Variants in MTHFD2 observed in about 807,000 individuals in gnomAD.
The protein encoded by MTHFD2 is methylenetetrahydrofolate dehydrogenase (NADP+ dependent) 2, methenyltetrahydrofolate cyclohydrolase.
In MTHFD2, 26 loss-of-function variants were observed where a neutral mutation model predicts 36.8. The ratio of observed to expected loss-of-function variants is 0.71; its 90% CI spans 0.52 to 0.98. MTHFD2 has a LOEUF of 0.98. MTHFD2 is among the 50% of genes least tolerant of loss of function. The pLI is 0.00. For synonymous variants in MTHFD2, 164 were observed against 155.2 expected (o/e 1.06, Z -0.42); for missense variants, 373 against 434.0 (o/e 0.86, Z 1.25).
intron 7 of MTHFD2, among the ~76,000 whole-genome samples, chr2:74,213,329 T>G (rs1383461347): frequency 7.4e-6 from 1 of 135,158 alleles, no homozygotes. Flanking sequence ...CAGGCTGGAG[T>G]ACAGTGGCAG....
Position 74,202,743 on chromosome 2 carries a change from G to A in MTHFD2, c.102-2962G>A, listed in dbSNP as rs559553445. ...GGGTTTCACCATATGAGCCAGGATG[G>A]TCTCAATCTCCTGACCTCATGATCT... On this transcript the variant is annotated intron_variant, in intron 1 of 7. Transcript: ENST00000394053. Among the ~76,000 whole-genome samples, 29 of 151,736 alleles carry A rather than the reference G, an allele frequency of 1.9e-4. No homozygotes were observed. The South Asian group carries it at 5.6e-3, about 29-fold the overall frequency.
At chr2:74,200,858 C>T (rs1694026235) in intron 1 of MTHFD2, among the ~76,000 whole-genome samples, 1 of 152,176 alleles carries the variant, frequency 6.6e-6, no homozygotes, top group South Asian at 2.1e-4. Flanking sequence ...TTGATAACAA[C>T]TCTTCCCTAA....
chr2:74,211,388 T>C, intron 6 of MTHFD2, 97 bp downstream of exon 6: 1 of 753,892 alleles, frequency 1.3e-6, no homozygotes, highest in African/African-American at 1.7e-5. Context: ...CTATTCATCA[T>C]TCCCCTTGTA....
chr2:74,206,859 C>T (rs574521008), intron 2 of MTHFD2, among the ~76,000 whole-genome samples: 19 of 152,166 alleles, frequency 1.2e-4, no homozygotes, highest in African/African-American at 4.3e-4. Context: ...TAGGCATGGG[C>T]CACCATGCCT....
At chr2:74,201,681 C>T (rs1184612074) in intron 1 of MTHFD2, among the ~76,000 whole-genome samples, 1 of 152,248 alleles carries the variant, frequency 6.6e-6, no homozygotes, top group Non-Finnish European at 1.5e-5. Context: ...GCATTTAATT[C>T]TGGGATAAAT....
At chr2:74,205,604 G>A (rs1389022517) in intron 1 of MTHFD2, 101 bp from the exon 2 acceptor site, 19 of 1,357,174 alleles carry the variant, frequency 1.4e-5, no homozygotes, top group African/African-American at 4.4e-5. Flanking sequence ...CCGGCCTCCC[G>A]AAGTGCTGGG....
chr2:74,205,849 C>T lies in MTHFD2; in HGVS notation c.246C>T (p.His82=), dbSNP rs767676770. 2.4e-5 allele frequency: 39 copies of T among 1,613,796 alleles called. 1 individual carries two copies. The change falls in exon 2 of 8, where the codon CAC becomes CAT. Residue 82 remains histidine (H), a synonymous_variant. Transcript: ENST00000394053. ...VILVGENPAS[H]SYVLNKTRAA... is the part of the protein sequence containing the mutation. Reference sequence around the variant, plus strand: ...TGGTTGGCGAGAATCCTGCAAGTCACTCCTATGTCCTCAACAAAACCAGGG... The same window carrying T: ...TGGTTGGCGAGAATCCTGCAAGTCATTCCTATGTCCTCAACAAAACCAGGG...
intron 1 of MTHFD2, among the ~76,000 whole-genome samples, chr2:74,205,354 G>A (rs187479021): frequency 9.8e-5 from 15 of 152,308 alleles, no homozygotes; most frequent in Admixed American, 5.9e-4. Flanking sequence ...TGATCAGGGC[G>A]CAGGGTGGTG....
intron 7 of MTHFD2, among the ~76,000 whole-genome samples, chr2:74,212,839 A>C (rs1283076014): frequency 6.6e-6 from 1 of 152,168 alleles, no homozygotes; most frequent in African/African-American, 2.4e-5. Context: ...CTAGAAAGTT[A>C]AAATGGTCCA....
chr2:74,213,743 A>G (rs545080076), intron 7 of MTHFD2, among the ~76,000 whole-genome samples: 17 of 152,290 alleles, frequency 1.1e-4, no homozygotes, highest in African/African-American at 4.1e-4. Flanking sequence ...TGGACAAATT[A>G]TACTTAAAAT....
intron 2 of MTHFD2, 163 bp downstream of exon 2, chr2:74,206,052 A>G (rs1694173114): frequency 1.5e-6 from 1 of 677,204 alleles, no homozygotes. Context: ...ATCAGACTAT[A>G]TCTTTCGGGG....
At position 74,214,269 on chromosome 2, in the gene MTHFD2, G is replaced by A. The variant is rs1694380878; in HGVS notation, c.*27G>A. The A allele has an allele frequency of 6.2e-7, 1 of 1,609,324 alleles. No homozygotes were observed. Among genetic ancestry groups the A allele is most frequent in the Admixed American group, 1.7e-5 (1 of 59,518 alleles). ...TACTGTGTCTTCTGTGTCACAAACA[G>A]CACTCCAGGCCAGCTCAAGAAGCAA... On this transcript the variant is annotated 3_prime_UTR_variant, in exon 8 of 8. Transcript: ENST00000394053.
At chr2:74,213,270 C>CTTTTTTTTTTTTTTTTTTT (rs10638050) in intron 7 of MTHFD2, among the ~76,000 whole-genome samples, 2 of 76,032 alleles carry the variant, frequency 2.6e-5, no homozygotes, top group African/African-American at 1.2e-4. Context: ...TTTTTCTTTC[C>CTTTTTTTTTTTTTTTTTTT]TTTTTTTTTT....
chr2:74,211,509 A>G (rs1378016211), intron 6 of MTHFD2: 1 of 474,846 alleles, frequency 2.1e-6, no homozygotes, highest in Non-Finnish European at 3.6e-6. Context: ...AAGCTTCAAA[A>G]TATTTATATT....
chr2:74,207,813 GT>G lies in MTHFD2; in HGVS notation c.398del (p.Leu133CysfsTer27). 6.3e-7 allele frequency: 1 copy of G among 1,577,768 alleles called. No individual in the cohort carries two copies. Among genetic ancestry groups the G allele is most frequent in the Non-Finnish European group, 8.7e-7 (1 of 1,152,668 alleles). On this transcript the variant is annotated frameshift_variant, in exon 3 of 8. Transcript: ENST00000394053. LOFTEE classifies it high-confidence loss of function. ...DDNVDGLLVQ[L>X]PLPEHIDERR... is the part of the protein sequence containing the mutation. ...ATAATGTAGATGGCCTCCTTGTTCA[GT>G]TGCCTCTTCCAGGTGAGTTTTGGAC...
rs1694470751 is a variant in MTHFD2, at chr2:74,217,198, ACT to A, written c.*2959_*2960del. The A allele has an allele frequency of 6.6e-6, 1 of 152,156 alleles. No homozygotes were observed. The highest frequency in any genetic ancestry group is 2.1e-4 in the South Asian group (1 of 4,830). 9.4% of individuals were successfully genotyped at this position (152,156 alleles called of 1,614,324 possible). Reference sequence around the variant, plus strand: ...TTTGTCATCTTGAGCAAATATAGTAACTCTAACCTCAAGGTTCAAGTGATTTA... The same window carrying A: ...TTTGTCATCTTGAGCAAATATAGTAACTAACCTCAAGGTTCAAGTGATTTA... On this transcript the variant is annotated 3_prime_UTR_variant, in exon 8 of 8. Coordinates refer to ENST00000394053, the MANE Select transcript of MTHFD2 (RefSeq NM_006636.4).
At chr2:74,201,258 G>C (rs1694036774) in intron 1 of MTHFD2, among the ~76,000 whole-genome samples, 1 of 152,130 alleles carries the variant, frequency 6.6e-6, no homozygotes, top group African/African-American at 2.4e-5. Flanking sequence ...AAAATGCAGG[G>C]ATTACAGGCA....
At chr2:74,211,364 C>T (rs1018983415) in intron 6 of MTHFD2, 73 bp downstream of exon 6, 15 of 934,912 alleles carry the variant, frequency 1.6e-5, no homozygotes, top group South Asian at 7.7e-5. Context: ...TCTTAGAATT[C>T]GCCTGCCTAG....
chr2:74,217,530 T>G lies in MTHFD2; in HGVS notation c.*3288T>G, dbSNP rs1422606823. The G allele has an allele frequency of 1.3e-5, 2 of 152,216 alleles. No individual in the cohort carries two copies. Among genetic ancestry groups the G allele is most frequent in the Non-Finnish European group, 2.9e-5 (2 of 68,042 alleles). 9.4% of individuals were successfully genotyped at this position (152,216 alleles called of 1,614,324 possible). On this transcript the variant is annotated 3_prime_UTR_variant, in exon 8 of 8. Transcript: ENST00000394053. ...GTTCACATGAATGGGAGTTTGACTT[T>G]GGGAATAAACATTGAAAATTTGCAG...
Sources: allele counts gnomAD v4.1 joint callset (sites outside exome capture counted in the v4.1 genomes callset), GRCh38; gene constraint gnomAD v4.1.1; transcripts MANE v1.5; gene names NCBI Gene and HGNC (gene_info 2026-07-23, HGNC 2026-07-21).